The following WWOX variants were observed in gnomAD, a reference collection of about 807,000 sequenced individuals.
WWOX encodes WW domain-containing oxidoreductase.
In WWOX, 69 loss-of-function variants were observed where a neutral mutation model predicts 46.2. That is an observed-to-expected ratio of 1.49 (90% CI 1.23 to 1.82). WWOX has a LOEUF of 1.82. WWOX is among the 40% of genes most tolerant of loss of function. The pLI is 0.00. For synonymous variants in WWOX, 359 were observed against 202.6 expected (o/e 1.77, Z -6.56); for missense variants, 919 against 542.6 (o/e 1.69, Z -6.89).
intron 6 of WWOX, among the ~76,000 whole-genome samples, chr16:78,387,381 C>A (rs372137070): frequency 6.6e-6 from 1 of 152,126 alleles, no homozygotes; most frequent in South Asian, 2.1e-4. Context: ...GTTTCTAAAG[C>A]CTTCGATGAT....
At chr16:78,726,001 C>T (rs1477814538) in intron 8 of WWOX, among the ~76,000 whole-genome samples, 1 of 150,076 alleles carries the variant, frequency 6.7e-6, no homozygotes, top group Non-Finnish European at 1.5e-5. Context: ...CCTTCTCCTT[C>T]TTCTTCTCTT....
At chr16:78,627,264 G>A (rs953822831) in intron 8 of WWOX, among the ~76,000 whole-genome samples, 1 of 152,124 alleles carries the variant, frequency 6.6e-6, no homozygotes, top group African/African-American at 2.4e-5. Flanking sequence ...CCAGGGGATA[G>A]CCCTCCAAAC....
chr16:79,150,336 A>G (rs117535561), intron 8 of WWOX, among the ~76,000 whole-genome samples: 2,052 of 152,332 alleles, frequency 0.013, 28 homozygotes, highest in Middle Eastern at 0.041. Flanking sequence ...TGCATCAGGA[A>G]CTTGGAGATA....
chr16:78,294,462 A>G (rs561415721), intron 5 of WWOX, among the ~76,000 whole-genome samples: 3 of 152,218 alleles, frequency 2.0e-5, no homozygotes, highest in Non-Finnish European at 4.4e-5. Context: ...GCCATGTTCT[A>G]CAAGTTCTGT....
chr16:78,473,686 A>C (rs1344761701), intron 8 of WWOX, among the ~76,000 whole-genome samples: 1 of 152,180 alleles, frequency 6.6e-6, no homozygotes, highest in Non-Finnish European at 1.5e-5. Context: ...GTCTTAAACA[A>C]GTCCCAACCT....
In WWOX at chr16:78,851,740, C is replaced by A. The variant is rs536579257; in HGVS notation, c.1057-359868C>A. Among the ~76,000 whole-genome samples, 29 of 152,290 alleles carry A rather than the reference C, an allele frequency of 1.9e-4. No homozygotes were observed. In the East Asian group the frequency reaches 5.0e-3, roughly 26 times the overall value. ...TATTTTCAAATGAAGTGGACCTCCC[C>A]TAAATTTTGTGCCCAGTTTATAAAC... On this transcript the variant is annotated intron_variant, in intron 8 of 8. Coordinates refer to ENST00000566780, the MANE Select transcript of WWOX (RefSeq NM_016373.4).
intron 8 of WWOX, chr16:78,872,939 A>G (rs1325043564): frequency 6.6e-6 from 1 of 152,244 alleles, no homozygotes; most frequent in African/African-American, 2.4e-5. Flanking sequence ...CTGGGACCAC[A>G]GGTATATTTC....
chr16:79,129,403 C>A (rs1369078267), intron 8 of WWOX, among the ~76,000 whole-genome samples: 1 of 147,556 alleles, frequency 6.8e-6, no homozygotes, highest in Non-Finnish European at 1.5e-5. Context: ...ATGGAACGAT[C>A]TTGATGTATC....
At chr16:78,374,901 G>T (rs1415372387) in intron 5 of WWOX, among the ~76,000 whole-genome samples, 2 of 151,918 alleles carry the variant, frequency 1.3e-5, no homozygotes, top group East Asian at 3.9e-4. Context: ...GGCCAGCCTG[G>T]TCTCAAACTG....
chr16:78,205,393 C>T (rs184762636), intron 5 of WWOX, among the ~76,000 whole-genome samples: 2 of 152,184 alleles, frequency 1.3e-5, no homozygotes, highest in East Asian at 3.9e-4. Context: ...TTCTTCTATC[C>T]ATCCAACCGT....
At chr16:79,069,708 T>C (rs1597345179) in intron 8 of WWOX, among the ~76,000 whole-genome samples, 2 of 152,236 alleles carry the variant, frequency 1.3e-5, no homozygotes, top group Middle Eastern at 6.8e-3. Context: ...GTCAATTAAA[T>C]GAGGCAGTGT....
intron 8 of WWOX, among the ~76,000 whole-genome samples, chr16:78,946,078 C>G (rs2045943171): frequency 6.6e-6 from 1 of 152,196 alleles, no homozygotes; most frequent in African/African-American, 2.4e-5. Context: ...ATCTACTGGA[C>G]TTTCTTAAAT....
intron 5 of WWOX, among the ~76,000 whole-genome samples, chr16:78,245,237 G>A (rs567370197): frequency 1.3e-5 from 2 of 152,208 alleles, no homozygotes; most frequent in East Asian, 3.8e-4. Flanking sequence ...ATGGGGACAT[G>A]TTAGTAAACC....
At chr16:78,215,081 G>C (rs576872878) in intron 5 of WWOX, among the ~76,000 whole-genome samples, 29 of 152,146 alleles carry the variant, frequency 1.9e-4, no homozygotes, top group Non-Finnish European at 3.4e-4. Flanking sequence ...ATATTGCTGG[G>C]GAAAGAGTGT....
rs536518686 is a variant in WWOX, at chr16:78,133,132, G to A, written c.409+17978G>A. On this transcript the variant is annotated intron_variant, in intron 4 of 8. Transcript: ENST00000566780. ...TGACTTCTACATGCCGTGTATTACT[G>A]GTTATAAAGCTAGTCTTGTTTGGAT... 1.6e-4 allele frequency among the ~76,000 whole-genome samples: 25 copies of A among 152,142 alleles called. No individual in the cohort carries two copies. The South Asian group carries it at 4.4e-3, about 27-fold the overall frequency.
intron 5 of WWOX, among the ~76,000 whole-genome samples, chr16:78,246,374 T>C (rs75739379): frequency 0.041 from 6,283 of 152,274 alleles, 194 homozygotes; most frequent in African/African-American, 0.089. Flanking sequence ...TTTCCCCTTC[T>C]GTTTCTCTCT....
chr16:78,250,845 C>T (rs1404540582), intron 5 of WWOX, among the ~76,000 whole-genome samples: 1 of 152,202 alleles, frequency 6.6e-6, no homozygotes, highest in Non-Finnish European at 1.5e-5. Context: ...CACACCTTCA[C>T]TTAACACCCT....
intron 8 of WWOX, among the ~76,000 whole-genome samples, chr16:78,997,362 C>A (rs754395686): frequency 6.6e-6 from 1 of 152,096 alleles, no homozygotes; most frequent in Non-Finnish European, 1.5e-5. Flanking sequence ...CTAGAAGATT[C>A]GTGGCTTGGG....
chr16:78,326,589 C>A (rs1473400029), intron 5 of WWOX, among the ~76,000 whole-genome samples: 1 of 97,198 alleles, frequency 1.0e-5, no homozygotes, highest in African/African-American at 5.0e-5. Context: ...CCCCCCCCCC[C>A]GCAATGCCTC....
Sources: allele counts gnomAD v4.1 joint callset (sites outside exome capture counted in the v4.1 genomes callset), GRCh38; gene constraint gnomAD v4.1.1; transcripts MANE v1.5; gene names NCBI Gene and HGNC (gene_info 2026-07-23, HGNC 2026-07-21).